ARHGAP10: variants seen among roughly 807,000 people sequenced by gnomAD.
ARHGAP10 encodes Rho GTPase activating protein 10, also known as rho GTPase-activating protein 10.
Under a neutral mutation model 108.6 loss-of-function variants are expected in ARHGAP10, and 87 were observed. The ratio of observed to expected loss-of-function variants is 0.80; its 90% CI spans 0.67 to 0.96. The LOEUF is 0.96. Ranked by LOEUF, ARHGAP10 falls within the 40% of genes least tolerant of loss-of-function variation. The probability of loss-of-function intolerance (pLI) is 0.00; values close to 1 mark genes in which losing one functional copy is unlikely to be tolerated. For missense variants in ARHGAP10, 939 were observed against 954.5 expected (o/e 0.98, Z 0.21); for synonymous variants, 347 against 341.1 (o/e 1.02, Z -0.19).
chr4:147,967,618 A>G (rs571196763), intron 18 of ARHGAP10, among the ~76,000 whole-genome samples: 4 of 152,296 alleles, frequency 2.6e-5, no homozygotes, highest in African/African-American at 9.6e-5. Context: ...TCACTTTGGG[A>G]TCACTTTCCC....
At chr4:147,757,319 C>T (rs771468812) in intron 1 of ARHGAP10, among the ~76,000 whole-genome samples, 16 of 151,800 alleles carry the variant, frequency 1.1e-4, no homozygotes, top group Non-Finnish European at 1.6e-4. Context: ...CTCAGCCTCC[C>T]GAAAGCTGGG....
chr4:147,985,239 G>A (rs936117304), intron 18 of ARHGAP10, among the ~76,000 whole-genome samples: 2 of 152,150 alleles, frequency 1.3e-5, no homozygotes, highest in African/African-American at 4.8e-5. Flanking sequence ...ACTCCTGGGT[G>A]TGGGGAAGAG....
intron 17 of ARHGAP10, among the ~76,000 whole-genome samples, chr4:147,966,054 A>G (rs1739189825): frequency 6.6e-6 from 1 of 152,254 alleles, no homozygotes; most frequent in South Asian, 2.1e-4. Context: ...TTCACTGCAC[A>G]GTGATACTGG....
intron 10 of ARHGAP10, among the ~76,000 whole-genome samples, chr4:147,892,732 ATG>A (rs1560813044): frequency 1.3e-5 from 2 of 152,224 alleles, no homozygotes; most frequent in Admixed American, 6.5e-5. Flanking sequence ...TGGAGAACAC[ATG>A]TTGAGATAAT....
intron 1 of ARHGAP10, among the ~76,000 whole-genome samples, chr4:147,773,288 C>G (rs1242039124): frequency 6.6e-6 from 1 of 152,116 alleles, no homozygotes; most frequent in African/African-American, 2.4e-5. Flanking sequence ...CTTTACAGAG[C>G]TTTATAGTAA....
At chr4:148,024,990 G>A (rs1055437251) in intron 19 of ARHGAP10, among the ~76,000 whole-genome samples, 13 of 152,178 alleles carry the variant, frequency 8.5e-5, no homozygotes, top group African/African-American at 2.9e-4. Context: ...AAAGAAGGAC[G>A]TTTTGGTCTT....
chr4:147,892,732 A>T (rs1431627241), intron 10 of ARHGAP10, among the ~76,000 whole-genome samples: 2 of 152,224 alleles, frequency 1.3e-5, no homozygotes, highest in Non-Finnish European at 2.9e-5. Context: ...TGGAGAACAC[A>T]TGTTGAGATA....
At chr4:148,036,386 T>A (rs921081608) in intron 19 of ARHGAP10, among the ~76,000 whole-genome samples, 3 of 152,334 alleles carry the variant, frequency 2.0e-5, no homozygotes, top group African/African-American at 7.2e-5. Context: ...TGAATTGTAG[T>A]TCCTATAATC....
intron 13 of ARHGAP10, among the ~76,000 whole-genome samples, chr4:147,925,743 A>G (rs1266664160): frequency 6.6e-6 from 1 of 152,160 alleles, no homozygotes; most frequent in Non-Finnish European, 1.5e-5. Flanking sequence ...CTAGTAGAAG[A>G]CACAAGACTC....
chr4:147,829,656 G>A (rs1732868867), intron 3 of ARHGAP10, among the ~76,000 whole-genome samples: 1 of 152,132 alleles, frequency 6.6e-6, no homozygotes, highest in African/African-American at 2.4e-5. Context: ...GTGTGTTGCT[G>A]CCAGAATTCC....
intron 13 of ARHGAP10, among the ~76,000 whole-genome samples, chr4:147,914,268 A>G (rs1262577913): frequency 6.6e-6 from 1 of 152,218 alleles, no homozygotes; most frequent in Non-Finnish European, 1.5e-5. Flanking sequence ...ATACTTTATT[A>G]CATACACAGA....
chr4:147,892,821 T>C (rs533578446), intron 10 of ARHGAP10, among the ~76,000 whole-genome samples: 2 of 152,254 alleles, frequency 1.3e-5, no homozygotes, highest in East Asian at 1.9e-4. Flanking sequence ...GACACTGATA[T>C]AATGTATTTT....
intron 16 of ARHGAP10, among the ~76,000 whole-genome samples, chr4:147,963,943 C>T (rs1237840103): frequency 2.0e-5 from 3 of 152,176 alleles, no homozygotes; most frequent in African/African-American, 7.2e-5. Context: ...ATGAAGAAGC[C>T]CCACCCTACT....
intron 3 of ARHGAP10, among the ~76,000 whole-genome samples, chr4:147,841,381 A>C (rs1560785274): frequency 1.3e-5 from 2 of 152,260 alleles, no homozygotes; most frequent in East Asian, 3.9e-4. Flanking sequence ...CTCTTATCTA[A>C]TTTCTAATAT....
At chr4:147,964,469 A>G (rs1485049594) in intron 16 of ARHGAP10, among the ~76,000 whole-genome samples, 1 of 152,172 alleles carries the variant, frequency 6.6e-6, no homozygotes, top group African/African-American at 2.4e-5. Context: ...CTGTGAGTCT[A>G]AACTTTTCCC....
At chr4:147,894,149 G>T (rs1252814200) in intron 10 of ARHGAP10, among the ~76,000 whole-genome samples, 1 of 151,982 alleles carries the variant, frequency 6.6e-6, no homozygotes, top group Non-Finnish European at 1.5e-5. Context: ...TTGGGTGTGG[G>T]AATTGCTGGG....
chr4:147,974,004 G>A (rs1739504958), intron 18 of ARHGAP10, among the ~76,000 whole-genome samples: 1 of 152,162 alleles, frequency 6.6e-6, no homozygotes, highest in African/African-American at 2.4e-5. Flanking sequence ...AATCATGGGA[G>A]TGCAGATATC....
intron 1 of ARHGAP10, 144 bp from the exon 2 acceptor site, chr4:147,822,583 A>G: frequency 1.3e-6 from 1 of 777,952 alleles, no homozygotes. Flanking sequence ...ATGGCGGGCC[A>G]TTTGGCAAGG....
chr4:147,922,244 G>C (rs1427518173), intron 13 of ARHGAP10, among the ~76,000 whole-genome samples: 2 of 152,118 alleles, frequency 1.3e-5, no homozygotes, highest in Non-Finnish European at 2.9e-5. Flanking sequence ...AGAGTGAAGG[G>C]AGGGAGGGAG....
Sources: allele counts gnomAD v4.1 joint callset (sites outside exome capture counted in the v4.1 genomes callset), GRCh38; gene constraint gnomAD v4.1.1; transcripts MANE v1.5; gene names NCBI Gene and HGNC (gene_info 2026-07-23, HGNC 2026-07-21).